Variants in CHP1 observed in about 807,000 individuals in gnomAD.
The protein encoded by CHP1 is calcineurin like EF-hand protein 1, also known as calcineurin B homologous protein 1.
A neutral mutation model predicts 27.4 loss-of-function variants in CHP1; 11 were observed. The ratio of observed to expected loss-of-function variants is 0.40; its 90% CI spans 0.25 to 0.67. The LOEUF is 0.67. Ranked by LOEUF, CHP1 falls within the 30% of genes least tolerant of loss-of-function variation. CHP1 has a pLI of 0.38. For synonymous variants in CHP1, 89 were observed against 87.4 expected, an observed-to-expected ratio of 1.02 and a Z score of -0.10; for missense variants, 169 against 251.3, an observed-to-expected ratio of 0.67 and a Z score of 2.22.
At chr15:41,257,233 T>C (rs1418544311) in intron 3 of CHP1, among the ~76,000 whole-genome samples, 2 of 152,206 alleles carry the variant, frequency 1.3e-5, no homozygotes, top group Non-Finnish European at 2.9e-5. Context: ...GATGTAAAAC[T>C]AGACTTTTAA....
chr15:41,264,700 C>T (rs1024996824), intron 4 of CHP1, among the ~76,000 whole-genome samples: 2 of 152,190 alleles, frequency 1.3e-5, no homozygotes, highest in African/African-American at 4.8e-5. Flanking sequence ...CCACCTTGGC[C>T]TCCCAAAGTG....
intron 4 of CHP1, among the ~76,000 whole-genome samples, chr15:41,268,062 T>C (rs1334388763): frequency 6.6e-6 from 1 of 152,162 alleles, no homozygotes; most frequent in Non-Finnish European, 1.5e-5. Context: ...GATACAGTGA[T>C]GAATAAATCA....
Position 41,270,686 on chromosome 15 carries a change from T to C in CHP1, c.411+68T>C. The C allele has an allele frequency of 4.1e-6, 5 of 1,225,386 alleles. No homozygotes were observed. In the Admixed American group the frequency reaches 7.0e-5, roughly 17 times the overall value. 75.9% of individuals were successfully genotyped at this position (1,225,386 alleles called of 1,614,324 possible). On this transcript the variant is annotated intron_variant, in intron 5 of 6. Transcript: ENST00000334660. ...TGCTTATTAGTGTGGGCAGGAACTA[T>C]TCTTTCCTTTAGTAAGCATTTATTT... is the stretch of plus-strand genomic sequence containing the variant.
chr15:41,248,447 G>A (rs1251051201), intron 2 of CHP1, among the ~76,000 whole-genome samples: 1 of 151,546 alleles, frequency 6.6e-6, no homozygotes, highest in African/African-American at 2.4e-5. Context: ...TTCATTTTTT[G>A]TGGAGACACA....
At chr15:41,263,448 A>G (rs1181562111) in intron 4 of CHP1, among the ~76,000 whole-genome samples, 3 of 152,186 alleles carry the variant, frequency 2.0e-5, no homozygotes, top group African/African-American at 4.8e-5. Context: ...TTTTCCTTTA[A>G]TACTTGTTTG....
chr15:41,262,929 CTTAA>C, intron 4 of CHP1, 46 bp downstream of exon 4: 1 of 1,606,370 alleles, frequency 6.2e-7, no homozygotes, highest in Non-Finnish European at 8.5e-7. Flanking sequence ...CTTTTCATTT[CTTAA>C]AAGTCATGTA....
intron 1 of CHP1, among the ~76,000 whole-genome samples, chr15:41,234,876 T>A (rs940650049): frequency 6.6e-6 from 1 of 152,178 alleles, no homozygotes; most frequent in African/African-American, 2.4e-5. Context: ...TAGGGCTATA[T>A]CATTGGGGAG....
At chr15:41,276,479 T>C (rs2047520125) in intron 5 of CHP1, among the ~76,000 whole-genome samples, 1 of 152,190 alleles carries the variant, frequency 6.6e-6, no homozygotes, top group Non-Finnish European at 1.5e-5. Context: ...GACAGTCAAA[T>C]TGTTAAAGTT....
chr15:41,261,132 CCTTTTCCTTT>C (rs1389230588), intron 3 of CHP1, among the ~76,000 whole-genome samples: 1 of 150,536 alleles, frequency 6.6e-6, no homozygotes, highest in Non-Finnish European at 1.5e-5. Flanking sequence ...CCTTTTCCTT[CCTTTTCCTTT>C]CCTTTCCCTT....
chr15:41,254,677 G>T (rs1160023776), intron 2 of CHP1, among the ~76,000 whole-genome samples: 1 of 152,226 alleles, frequency 6.6e-6, no homozygotes. Flanking sequence ...TTTGTGTTCA[G>T]TCCACTAGGT....
intron 5 of CHP1, among the ~76,000 whole-genome samples, chr15:41,276,598 AAC>A (rs2047520557): frequency 6.6e-6 from 1 of 152,186 alleles, no homozygotes; most frequent in Non-Finnish European, 1.5e-5. Flanking sequence ...GATTTGGTGA[AAC>A]AGTGTTAAAT....
chr15:41,245,290 G>A (rs1255289659), intron 2 of CHP1, among the ~76,000 whole-genome samples: 3 of 152,140 alleles, frequency 2.0e-5, no homozygotes, highest in Non-Finnish European at 4.4e-5. Context: ...GGGAAACCCC[G>A]TCTCTATTAA....
intron 2 of CHP1, among the ~76,000 whole-genome samples, chr15:41,248,104 T>C (rs1468486124): frequency 6.6e-6 from 1 of 152,138 alleles, no homozygotes; most frequent in Admixed American, 6.5e-5. Flanking sequence ...AGGTATTTAC[T>C]GACTATCTAT....
intron 6 of CHP1, 103 bp from the exon 7 acceptor site, chr15:41,279,232 GT>G (rs2047534174): frequency 1.1e-6 from 1 of 897,394 alleles, no homozygotes; most frequent in African/African-American, 1.7e-5. Context: ...AAAAAGTTAC[GT>G]TTTACTGCAC....
At chr15:41,237,066 G>A (rs982223325) in intron 1 of CHP1, among the ~76,000 whole-genome samples, 8 of 151,568 alleles carry the variant, frequency 5.3e-5, no homozygotes, top group African/African-American at 1.9e-4. Context: ...CCTGACCTCA[G>A]GTGATCCACC....
intron 5 of CHP1, 107 bp downstream of exon 5, chr15:41,270,725 T>A: frequency 1.2e-6 from 1 of 847,284 alleles, no homozygotes; most frequent in Non-Finnish European, 2.0e-6. Context: ...ACCTGCTATG[T>A]GCAGAGTCCT....
intron 2 of CHP1, among the ~76,000 whole-genome samples, chr15:41,252,537 CATT>C (rs1364073649): frequency 1.3e-5 from 2 of 152,106 alleles, no homozygotes; most frequent in East Asian, 3.8e-4. Flanking sequence ...TTAATCTCCT[CATT>C]ATGTACAAGT....
intron 1 of CHP1, among the ~76,000 whole-genome samples, chr15:41,241,049 C>T (rs1197645498): frequency 2.0e-5 from 3 of 152,072 alleles, no homozygotes; most frequent in Non-Finnish European, 4.4e-5. Flanking sequence ...GACGAGGTTT[C>T]GCCATGTTGG....
rs1201239023 is a variant in CHP1, at chr15:41,281,226, C to T, written c.*1837C>T. The T allele has an allele frequency of 2.6e-5, 4 of 152,236 alleles. No homozygotes were observed. Among genetic ancestry groups the T allele is most frequent in the Non-Finnish European group, 5.9e-5 (4 of 68,050 alleles). 9.4% of individuals were successfully genotyped at this position (152,236 alleles called of 1,614,324 possible). On this transcript the variant is annotated 3_prime_UTR_variant, in exon 7 of 7. Transcript: ENST00000334660. ...CGGAAGCCATAGTCTGCTCCTAATA[C>T]ATGTCCAAAGCATTGACTGTTGTGT...
Sources: gnomAD v4.1 joint callset for allele counts (sites outside exome capture counted in the v4.1 genomes callset) on GRCh38, gnomAD v4.1.1 for gene constraint, MANE v1.5 for transcripts, NCBI Gene and HGNC (gene_info 2026-07-23, HGNC 2026-07-21) for gene names.